The following DMD variants were observed in gnomAD, a reference collection of about 807,000 sequenced individuals.
The protein encoded by DMD is mutant dystrophin.
Under a neutral mutation model 330.1 loss-of-function variants are expected in DMD, and 63 were observed. The ratio of observed to expected loss-of-function variants is 0.19; its 90% CI spans 0.16 to 0.24. DMD has a LOEUF of 0.24. Ranked by LOEUF, DMD falls within the 10% of genes least tolerant of loss-of-function variation. DMD has a pLI of 1.00. For missense variants in DMD, 3,344 were observed against 2,684.1 expected (o/e 1.25, Z -5.43); for synonymous variants, 1,223 against 959.8 (o/e 1.27, Z -5.07).
chrX:31,323,053 C>G (rs1239601841), intron 62 of DMD, among the ~76,000 whole-genome samples: 1 of 111,747 alleles, frequency 8.9e-6, no homozygotes, highest in East Asian at 2.8e-4. Flanking sequence ...TTGACTGGCA[C>G]AAATGTTTCC....
intron 47 of DMD, among the ~76,000 whole-genome samples, chrX:31,917,621 G>C (rs2094626593): frequency 8.9e-6 from 1 of 112,584 alleles, no homozygotes; most frequent in Non-Finnish European, 1.9e-5. Flanking sequence ...CAATATGGCA[G>C]CTCACTGAGC....
chrX:32,405,234 C>G (rs766395011), intron 30 of DMD, among the ~76,000 whole-genome samples: 1 of 111,646 alleles, frequency 9.0e-6, no homozygotes, highest in East Asian at 2.8e-4. Flanking sequence ...TGCTCCGGGG[C>G]TCAGCATGGT....
intron 37 of DMD, 126 bp downstream of exon 37, chrX:32,362,662 C>T (rs943211543): frequency 2.7e-5 from 20 of 732,060 alleles, no homozygotes; most frequent in African/African-American, 1.3e-4. Flanking sequence ...TCCTTAAATA[C>T]ATTTTGGCAT....
At chrX:32,104,330 G>C (rs2096554175) in intron 44 of DMD, among the ~76,000 whole-genome samples, 1 of 111,613 alleles carries the variant, frequency 9.0e-6, no homozygotes, top group South Asian at 3.8e-4. Context: ...ACATGATAAA[G>C]AACTATGAAT....
chrX:31,904,885 C>T (rs1203350078), intron 47 of DMD, among the ~76,000 whole-genome samples: 1 of 111,658 alleles, frequency 9.0e-6, no homozygotes, highest in Admixed American at 9.6e-5. Flanking sequence ...AATTGTTATG[C>T]AGCAATAGAC....
intron 62 of DMD, among the ~76,000 whole-genome samples, chrX:31,276,436 A>T (rs2052124727): frequency 8.9e-6 from 1 of 111,779 alleles, no homozygotes; most frequent in Non-Finnish European, 1.9e-5. Context: ...AATGAGCAAG[A>T]CAAACAACAC....
intron 3 of DMD, among the ~76,000 whole-genome samples, chrX:32,846,332 CCTT>C (rs2080663463): frequency 9.0e-6 from 1 of 111,498 alleles, no homozygotes; most frequent in Admixed American, 9.6e-5. Flanking sequence ...AAATTTATTT[CCTT>C]CTTCTCTAAC....
At chrX:33,111,224 G>C (rs1442038197) in intron 1 of DMD, among the ~76,000 whole-genome samples, 1 of 111,608 alleles carries the variant, frequency 9.0e-6, no homozygotes, top group African/African-American at 3.3e-5. Flanking sequence ...CTTGAAGAAT[G>C]AGAGGGGTGT....
At chrX:32,413,490 C>A in intron 29 of DMD, among the ~76,000 whole-genome samples, 1 of 110,076 alleles carries the variant, frequency 9.1e-6, no homozygotes, top group Middle Eastern at 4.6e-3. Context: ...CTAAATAGTT[C>A]TTGATTCCAA....
At chrX:31,857,380 G>GGAAA (rs1448687044) in intron 48 of DMD, among the ~76,000 whole-genome samples, 32 of 36,767 alleles carry the variant, frequency 8.7e-4, no homozygotes, top group African/African-American at 3.5e-3. Flanking sequence ...CTCCACCTCG[G>GGAAA]AAAAAAAAAA....
intron 7 of DMD, among the ~76,000 whole-genome samples, chrX:32,773,567 C>T (rs1307005211): frequency 9.4e-6 from 1 of 106,796 alleles, no homozygotes; most frequent in Non-Finnish European, 1.9e-5. Flanking sequence ...TCCTGTCCTC[C>T]CCACTTACCC....
chrX:33,206,518 A>G, intron 1 of DMD, among the ~76,000 whole-genome samples: 2 of 111,794 alleles, frequency 1.8e-5, no homozygotes, highest in South Asian at 7.5e-4. Flanking sequence ...AAAAGATCAC[A>G]AAAGAAAGCA....
At chrX:32,124,463 G>A (rs757581907) in intron 44 of DMD, among the ~76,000 whole-genome samples, 16 of 112,036 alleles carry the variant, frequency 1.4e-4, no homozygotes, top group East Asian at 2.8e-4. Flanking sequence ...AAACCTGAGC[G>A]AAACTAGGGT....
chrX:31,278,737 G>A (rs1053420719), intron 62 of DMD, among the ~76,000 whole-genome samples: 1 of 111,904 alleles, frequency 8.9e-6, no homozygotes, highest in Non-Finnish European at 1.9e-5. Flanking sequence ...CTTGCAGTGA[G>A]ACCTAATTCA....
Position 31,729,655 on chromosome X carries a change from C to A in DMD, c.7636G>T (p.Ala2546Ser), listed in dbSNP as rs1368936548. The A allele has an allele frequency of 8.3e-7, 1 of 1,210,753 alleles. No homozygotes were observed. The highest frequency in any genetic ancestry group is 2.2e-5 in the Admixed American group (1 of 46,014). Reference sequence around the variant, plus strand: ...CTTCGATCCGTAATGATTGTTCTAGCCTCTTGATTGCTGGTCTTGTTTTTC... The same window carrying A: ...CTTCGATCCGTAATGATTGTTCTAGACTCTTGATTGCTGGTCTTGTTTTTC... ...NLKNKTSNQEARTIITDRIER... is the reference protein window; with the variant it reads ...NLKNKTSNQESRTIITDRIER... Residue 2546 changes from alanine (A) to serine (S), a missense_variant, in exon 52 of 79, where the codon GCT (alanine) becomes TCT (serine). Transcript: ENST00000357033.
Position 31,330,191 on chromosome X carries a change from T to C in DMD, c.9164-6533A>G, listed in dbSNP as rs1375098034. 4.0e-5 allele frequency among the ~76,000 whole-genome samples: 4 copies of C among 101,048 alleles called. No homozygotes were observed. The East Asian group carries it at 9.0e-4, about 23-fold the overall frequency. 87.7% of individuals were successfully genotyped at this position (101,048 alleles called of 115,157 possible). ...ATATGCATATTTTTGCATATAATTA[T>C]ACCCCAAGAAAGCTATAAAAGTACA... On this transcript the variant is annotated intron_variant, in intron 61 of 78. Transcript: ENST00000357033.
At chrX:31,630,288 T>C (rs1375552291) in intron 54 of DMD, among the ~76,000 whole-genome samples, 1 of 112,086 alleles carries the variant, frequency 8.9e-6, no homozygotes, top group Non-Finnish European at 1.9e-5. Context: ...AGAAACCATT[T>C]TCCTAAATGA....
chrX:33,018,404 A>T (rs1156623742), intron 2 of DMD, among the ~76,000 whole-genome samples: 1 of 111,968 alleles, frequency 8.9e-6, no homozygotes, highest in East Asian at 2.8e-4. Flanking sequence ...ATAAGGACAG[A>T]AAAAAATATA....
chrX:31,350,078 CTTTAT>C (rs1192248587), intron 60 of DMD, among the ~76,000 whole-genome samples: 3 of 111,238 alleles, frequency 2.7e-5, no homozygotes, highest in African/African-American at 6.5e-5. Context: ...GCAGGATTTA[CTTTAT>C]TTTATATACA....
Sources: allele counts gnomAD v4.1 joint callset (sites outside exome capture counted in the v4.1 genomes callset), GRCh38; gene constraint gnomAD v4.1.1; transcripts MANE v1.5; gene names NCBI Gene and HGNC (gene_info 2026-07-23, HGNC 2026-07-21).